Variants in SPATA17 observed in about 807,000 individuals in gnomAD.
SPATA17 encodes the protein spermatogenesis associated 17, also known as spermatogenesis-associated protein 17.
SPATA17 carries 53 observed loss-of-function variants against 62.2 expected under a neutral mutation model. The ratio of observed to expected loss-of-function variants is 0.85; its 90% CI spans 0.68 to 1.07. The LOEUF (loss-of-function observed/expected upper bound fraction) is 1.07, where lower values mean the gene tolerates loss of function less well. SPATA17 is among the 50% of genes least tolerant of loss of function. SPATA17 has a pLI of 0.00. For synonymous variants in SPATA17, 146 were observed against 146.8 expected (o/e 0.99, Z 0.04); for missense variants, 466 against 425.5 (o/e 1.10, Z -0.84).
chr1:217,694,388 C>A lies in SPATA17; in HGVS notation c.395+11027C>A, dbSNP rs567986079. ...TTTTATTTTGAGCCTATGTATGTCT[C>A]TTCACGTGAGATGGGTTTCCTGAAT... On this transcript the variant is annotated intron_variant, in intron 5 of 10. Coordinates refer to ENST00000366933, the MANE Select transcript of SPATA17 (RefSeq NM_138796.4). Among the ~76,000 whole-genome samples the A allele has an allele frequency of 2.7e-5, 4 of 147,826 alleles. No individual in the cohort carries two copies. In the South Asian group the frequency reaches 8.6e-4, roughly 32 times the overall value.
chr1:217,791,301 C>T (rs747500193), intron 8 of SPATA17, among the ~76,000 whole-genome samples: 1 of 152,168 alleles, frequency 6.6e-6, no homozygotes, highest in Non-Finnish European at 1.5e-5. Flanking sequence ...CTGCCTCTCC[C>T]AGCTAATTTC....
intron 6 of SPATA17, among the ~76,000 whole-genome samples, chr1:217,757,423 A>C (rs1673074347): frequency 6.6e-6 from 1 of 152,134 alleles, no homozygotes; most frequent in Non-Finnish European, 1.5e-5. Context: ...TGTAAATCTG[A>C]AAGGAAGTGA....
intron 9 of SPATA17, among the ~76,000 whole-genome samples, chr1:217,829,565 T>C (rs1178891617): frequency 3.8e-5 from 5 of 131,550 alleles, no homozygotes; most frequent in African/African-American, 1.5e-4. Context: ...CAGGTGGAGG[T>C]TGCAGTGAGC....
intron 5 of SPATA17, among the ~76,000 whole-genome samples, chr1:217,715,025 C>T (rs1406968655): frequency 1.3e-5 from 2 of 151,896 alleles, no homozygotes; most frequent in Non-Finnish European, 2.9e-5. Context: ...TGTTGAATCC[C>T]TTAAAAGTGC....
Position 217,786,750 on chromosome 1 carries a change from T to TTCTTCTTCTTCTTCTTC in SPATA17, c.872+4429_872+4430insCTTCTTCTTCTTCTTCT, listed in dbSNP as rs1553252152. Among the ~76,000 whole-genome samples the TTCTTCTTCTTCTTCTTC allele has an allele frequency of 1.6e-3, 177 of 107,550 alleles. 2 individuals carry two copies. Among genetic ancestry groups the TTCTTCTTCTTCTTCTTC allele is most frequent in the Non-Finnish European group, 2.3e-3 (123 of 52,686 alleles). The allele number at this position is 107,550 out of a possible 152,430, so 70.6% of individuals were successfully genotyped here. On this transcript the variant is annotated intron_variant, in intron 8 of 10. Coordinates refer to ENST00000366933, the MANE Select transcript of SPATA17 (RefSeq NM_138796.4). ...AATGATAGAAGGATTTGATATTCTC[T>TTCTTCTTCTTCTTCTTC]TTCTTCTTCTTCTTCTTCTTCTTCT...
At chr1:217,662,659 A>C (rs964309021) in intron 3 of SPATA17, among the ~76,000 whole-genome samples, 10 of 152,142 alleles carry the variant, frequency 6.6e-5, no homozygotes, top group African/African-American at 2.4e-4. Flanking sequence ...ATTCCATTGT[A>C]TGTTGTTACG....
At chr1:217,705,033 TG>T (rs1438239060) in intron 5 of SPATA17, among the ~76,000 whole-genome samples, 1 of 152,188 alleles carries the variant, frequency 6.6e-6, no homozygotes, top group African/African-American at 2.4e-5. Flanking sequence ...AGTGTATAAG[TG>T]TTGCCTTTTT....
rs376041446 is a variant in SPATA17 at position 217,793,215 on chromosome 1, G to GTTTTTTTTTTTTT, written c.873-8498_873-8497insTTTTTTTTTTTTT. On this transcript the variant is annotated intron_variant, in intron 8 of 10. Coordinates refer to ENST00000366933, the MANE Select transcript of SPATA17 (RefSeq NM_138796.4). ...GAATTGCTTTAATGTTAGGGCAGTGGTTTTTGTTTTTTTTTTTTTTTTTGA... is the reference window on the plus strand; with the variant it reads ...GAATTGCTTTAATGTTAGGGCAGTGGTTTTTTTTTTTTTTTTTTGTTTTTTTTTTTTTTTTTGA... Among the ~76,000 whole-genome samples, 2 of 114,598 alleles carry GTTTTTTTTTTTTT rather than the reference G, an allele frequency of 1.7e-5. 1 individual carries two copies. Among genetic ancestry groups the GTTTTTTTTTTTTT allele is most frequent in the African/African-American group, 6.4e-5 (2 of 31,008 alleles). The allele number at this position is 114,598 out of a possible 152,430, so 75.2% of individuals were successfully genotyped here.
intron 9 of SPATA17, 146 bp from the exon 10 acceptor site, chr1:217,862,628 C>A: frequency 1.7e-6 from 1 of 577,844 alleles, no homozygotes; most frequent in Non-Finnish European, 3.0e-6. Context: ...AATTTACCTG[C>A]TAATTTTGTT....
intron 9 of SPATA17, among the ~76,000 whole-genome samples, chr1:217,832,318 T>C (rs1675161017): frequency 2.0e-5 from 3 of 152,128 alleles, no homozygotes; most frequent in Non-Finnish European, 4.4e-5. Flanking sequence ...CAGAAAACAG[T>C]GGTAGACTAT....
At chr1:217,743,410 C>T (rs1317006175) in intron 6 of SPATA17, among the ~76,000 whole-genome samples, 7 of 152,104 alleles carry the variant, frequency 4.6e-5, no homozygotes, top group Admixed American at 3.9e-4. Context: ...TTTCAACTTT[C>T]ATTAAACTGA....
intron 8 of SPATA17, among the ~76,000 whole-genome samples, chr1:217,788,132 G>A (rs78163312): frequency 2.6e-4 from 39 of 152,198 alleles, no homozygotes; most frequent in African/African-American, 9.4e-4. Flanking sequence ...AGATGATATA[G>A]GCTATGATAT....
intron 5 of SPATA17, among the ~76,000 whole-genome samples, chr1:217,711,356 A>T (rs1671858063): frequency 6.6e-6 from 1 of 152,168 alleles, no homozygotes; most frequent in South Asian, 2.1e-4. Context: ...GTGTTCACGT[A>T]CAAGTTTTTA....
chr1:217,865,166 C>T (rs61827093), intron 10 of SPATA17, among the ~76,000 whole-genome samples: 1 of 152,046 alleles, frequency 6.6e-6, no homozygotes, highest in Non-Finnish European at 1.5e-5. Flanking sequence ...TAAAAAAAGG[C>T]CAAGATGGGG....
intron 5 of SPATA17, among the ~76,000 whole-genome samples, chr1:217,721,974 C>T (rs1274941009): frequency 2.0e-5 from 3 of 152,154 alleles, no homozygotes; most frequent in East Asian, 1.9e-4. Flanking sequence ...TGATCCTTCT[C>T]CTGCCCTCTC....
chr1:217,830,506 G>GT (rs1383175041), intron 9 of SPATA17, among the ~76,000 whole-genome samples: 2 of 152,098 alleles, frequency 1.3e-5, no homozygotes, highest in Non-Finnish European at 2.9e-5. Flanking sequence ...CTTGAAGGAA[G>GT]TGTTCCAGTG....
intron 6 of SPATA17, among the ~76,000 whole-genome samples, chr1:217,747,960 C>T: frequency 6.6e-6 from 1 of 151,990 alleles, no homozygotes; most frequent in Admixed American, 6.6e-5. Context: ...TACTTCTTTC[C>T]CAAATCATAT....
At chr1:217,812,024 C>T (rs1413987413) in intron 9 of SPATA17, among the ~76,000 whole-genome samples, 1 of 152,112 alleles carries the variant, frequency 6.6e-6, no homozygotes, top group Non-Finnish European at 1.5e-5. Context: ...TCTTATGGTT[C>T]TTCTATGGCA....
rs1676084382 is a variant in SPATA17 at position 217,869,352 on chromosome 1, T to C, written c.*2333T>C. On this transcript the variant is annotated 3_prime_UTR_variant, in exon 11 of 11. Coordinates refer to ENST00000366933, the MANE Select transcript of SPATA17 (RefSeq NM_138796.4). ...TGGATTAAAATAAGGGGACCAAGGT[T>C]CTCATGCAGATGAAGCCTCCAGGTG... 6.6e-6 allele frequency: 1 copy of C among 152,132 alleles called. No individual in the cohort carries two copies. The highest frequency in any genetic ancestry group is 1.5e-5 in the Non-Finnish European group (1 of 68,020). 9.4% of individuals were successfully genotyped at this position (152,132 alleles called of 1,614,324 possible).
Sources: allele counts gnomAD v4.1 joint callset (sites outside exome capture counted in the v4.1 genomes callset), GRCh38; gene constraint gnomAD v4.1.1; transcripts MANE v1.5; gene names NCBI Gene and HGNC (gene_info 2026-07-23, HGNC 2026-07-21).